The following TRMT2B variants were observed in gnomAD, a reference collection of about 807,000 sequenced individuals.
The protein encoded by TRMT2B is tRNA (uracil-5-)-methyltransferase homolog B.
A neutral mutation model predicts 39.7 loss-of-function variants in TRMT2B; 34 were observed. That is an observed-to-expected ratio of 0.86 (90% CI 0.65 to 1.14). The LOEUF (loss-of-function observed/expected upper bound fraction) is 1.14, where lower values mean the gene tolerates loss of function less well. Among genes scored for constraint, TRMT2B ranks in the 50% most tolerant of loss-of-function variants. TRMT2B has a pLI of 0.00. For missense variants in TRMT2B, 318 were observed against 377.2 expected (o/e 0.84, Z 1.30); for synonymous variants, 132 against 137.3 (o/e 0.96, Z 0.27).
chrX:100,996,474 T>C, the TRMT2B span, among the ~76,000 whole-genome samples: 1 of 112,046 alleles, frequency 8.9e-6, no homozygotes, highest in African/African-American at 3.2e-5. Flanking sequence ...TCAATTACCC[T>C]GATCTGATCA....
At chrX:100,974,305 C>T in the TRMT2B span, 3 of 579,191 alleles carry the variant, frequency 5.2e-6, no homozygotes, top group Admixed American at 8.7e-5. Flanking sequence ...CAATTTCCCT[C>T]TTTTTGTGCA....
intron 4 of TRMT2B, among the ~76,000 whole-genome samples, chrX:101,040,277 G>C (rs774990247): frequency 1.2e-5 from 1 of 86,606 alleles, no homozygotes; most frequent in East Asian, 3.7e-4. Flanking sequence ...CTGGGCAACA[G>C]AGCCAGACTC....
chrX:101,027,345 C>T (rs758208568), intron 7 of TRMT2B, among the ~76,000 whole-genome samples: 201 of 110,189 alleles, frequency 1.8e-3, no homozygotes, highest in Non-Finnish European at 3.4e-3. Context: ...GATTCTAATG[C>T]CTCAGCCTTC....
the TRMT2B span, chrX:100,985,899 A>G: frequency 8.3e-7 from 1 of 1,207,092 alleles, no homozygotes; most frequent in Non-Finnish European, 1.1e-6. Context: ...AAAGAGTGGC[A>G]GGGAAACCCA....
intron 7 of TRMT2B, among the ~76,000 whole-genome samples, chrX:101,031,639 C>T (rs2087468731): frequency 9.5e-6 from 1 of 105,150 alleles, no homozygotes; most frequent in South Asian, 4.3e-4. Context: ...ACTCGGGAGG[C>T]GGAGGTTGCA....
rs748696881 is a variant in TRMT2B at position 101,010,664 on chromosome X, G to A, written c.1432C>T (p.Pro478Ser). 4.1e-6 allele frequency: 5 copies of A among 1,210,685 alleles called. No individual in the cohort carries two copies. In the South Asian group the frequency reaches 7.0e-5, roughly 17 times the overall value. ...GGTACAGCTTGCTGCAGGACAAAGG[G>A]CTCGCCTAAGAGCTTCTTAGCAGGG... is the stretch of plus-strand genomic sequence containing the variant. Reference protein sequence around the residue: ...PDPAKKLLGEPFVLQQAVPVD... With the variant: ...PDPAKKLLGESFVLQQAVPVD... The change falls in exon 14 of 14, where the codon CCC (proline) becomes TCC (serine). Residue 478 changes from proline (P) to serine (S), a missense_variant. Physicochemically the swap from Pro to Ser is moderately conservative, Grantham distance 74 (BLOSUM62 -1). Coordinates refer to ENST00000372936, the MANE Select transcript of TRMT2B (RefSeq NM_024917.6).
the TRMT2B span, among the ~76,000 whole-genome samples, chrX:100,979,975 G>A: frequency 3.6e-5 from 4 of 110,987 alleles, no homozygotes; most frequent in African/African-American, 1.3e-4. Flanking sequence ...GTGCTGAGCT[G>A]CCTGGAGTTG....
downstream of TRMT2B, among the ~76,000 whole-genome samples, chrX:101,007,605 G>A (rs1439027275): frequency 9.0e-6 from 1 of 111,577 alleles, no homozygotes; most frequent in African/African-American, 3.3e-5. Flanking sequence ...GCAGTGAGCT[G>A]AGATTGCACC....
intron 13 of TRMT2B, among the ~76,000 whole-genome samples, chrX:101,014,492 T>A (rs1284441802): frequency 9.1e-6 from 1 of 109,804 alleles, no homozygotes. Flanking sequence ...CATGAGCCAC[T>A]GTGTCTGGTT....
At chrX:100,986,353 C>T in the TRMT2B span, among the ~76,000 whole-genome samples, 1 of 111,827 alleles carries the variant, frequency 8.9e-6, no homozygotes, top group East Asian at 2.8e-4. Flanking sequence ...ATAACTAGCA[C>T]TTATTCCAGG....
chrX:101,035,592 C>G lies in TRMT2B; in HGVS notation c.609+21G>C, dbSNP rs3818172. On this transcript the variant is annotated intron_variant, in intron 7 of 13. Transcript: ENST00000372936. The stretch of plus-strand genomic sequence containing the variant: ...CTACAATGCTCCAGGCCATTCTCAA[C>G]CAGCTCTTGTTCCATTTTACCTGCG... The G allele has an allele frequency of 2.3e-4, 278 of 1,199,124 alleles. 1 individual carries two copies. The East Asian group carries it at 8.1e-3, about 35-fold the overall frequency.
At chrX:101,008,859 A>G (rs1048178004), downstream of TRMT2B, among the ~76,000 whole-genome samples, 8 of 111,217 alleles carry the variant, frequency 7.2e-5, no homozygotes, top group African/African-American at 2.3e-4. Flanking sequence ...AAAGTAGCCA[A>G]TCCTAAACTG....
Position 101,045,384 on chromosome X carries a change from G to A in TRMT2B, c.-23-3072C>T, listed in dbSNP as rs1174819874. ...CAGGAGAATCGCTTGAACTCAGGAG[G>A]CGGAGGTTGCGGTGAGCCGAGATCA... is the stretch of plus-strand genomic sequence containing the variant. On this transcript the variant is annotated intron_variant, in intron 2 of 13. Coordinates refer to ENST00000372936, the MANE Select transcript of TRMT2B (RefSeq NM_024917.6). 6.6e-5 allele frequency among the ~76,000 whole-genome samples: 7 copies of A among 105,356 alleles called. No homozygotes were observed. In the Admixed American group the frequency reaches 7.3e-4, roughly 11 times the overall value. 91.5% of individuals were successfully genotyped at this position (105,356 alleles called of 115,157 possible). A position where few individuals can be genotyped will look rare whatever the true frequency, so the allele number is the denominator to read the frequency against.
At chrX:101,041,475 G>T in intron 3 of TRMT2B, 104 bp from the exon 4 acceptor site, 1 of 772,955 alleles carries the variant, frequency 1.3e-6, no homozygotes, top group South Asian at 2.7e-5. Flanking sequence ...GCTCTCTAGG[G>T]AGATGGAGTC....
the TRMT2B span, chrX:100,973,559 C>A: frequency 1.1e-6 from 1 of 942,127 alleles, no homozygotes; most frequent in Non-Finnish European, 1.5e-6. Context: ...AAGTAATAGA[C>A]TTCTAACAAT....
At chrX:100,987,210 TTA>T in the TRMT2B span, among the ~76,000 whole-genome samples, 1 of 112,062 alleles carries the variant, frequency 8.9e-6, no homozygotes, top group Non-Finnish European at 1.9e-5. Flanking sequence ...ACCTCAGATT[TTA>T]TGTCTGTCAT....
downstream of TRMT2B, among the ~76,000 whole-genome samples, chrX:101,006,229 CAAAAAG>C (rs368474992): frequency 1.5e-3 from 161 of 109,887 alleles, no homozygotes; most frequent in African/African-American, 4.8e-3. Context: ...GACTCCATGT[CAAAAAG>C]AAAAAGAAAA....
the TRMT2B span, chrX:100,986,882 A>G: frequency 7.1e-5 from 84 of 1,187,472 alleles, no homozygotes; most frequent in Non-Finnish European, 9.0e-5. Context: ...GTGAAAGAGA[A>G]TAAGTGCCCA....
the TRMT2B span, among the ~76,000 whole-genome samples, chrX:100,998,554 CAA>C: frequency 0.19 from 10,455 of 55,393 alleles, 417 homozygotes; most frequent in Middle Eastern, 0.26. Context: ...GATTCTGTCG[CAA>C]AAAAAAAAAA....
Sources: allele counts gnomAD v4.1 joint callset (sites outside exome capture counted in the v4.1 genomes callset), GRCh38; gene constraint gnomAD v4.1.1; transcripts MANE v1.5; gene names NCBI Gene and HGNC (gene_info 2026-07-23, HGNC 2026-07-21).